Variants in SUV39H2 observed in about 807,000 individuals in gnomAD.
SUV39H2 encodes the protein histone-lysine N-methyltransferase SUV39H2.
In SUV39H2, 10 loss-of-function variants were observed where a neutral mutation model predicts 47.5. The ratio of observed to expected loss-of-function variants is 0.21; its 90% CI spans 0.13 to 0.36. SUV39H2 has a LOEUF of 0.36. SUV39H2 is among the 10% of genes least tolerant of loss of function. The pLI is 1.00. For missense variants in SUV39H2, 266 were observed against 487.4 expected, an observed-to-expected ratio of 0.55 and a Z score of 4.28; for synonymous variants, 159 against 166.8, an observed-to-expected ratio of 0.95 and a Z score of 0.36.
chr10:14,892,819 T>TC (rs988628460), intron 2 of SUV39H2, among the ~76,000 whole-genome samples: 2 of 143,704 alleles, frequency 1.4e-5, no homozygotes, highest in Admixed American at 6.8e-5. Context: ...GAAATGTCTT[T>TC]TTTTTTTTTT....
chr10:14,884,967 G>A (rs867233640), intron 2 of SUV39H2, among the ~76,000 whole-genome samples: 1 of 152,176 alleles, frequency 6.6e-6, no homozygotes, highest in Non-Finnish European at 1.5e-5. Flanking sequence ...TATACTATGT[G>A]AGTGCTTACT....
intron 2 of SUV39H2, among the ~76,000 whole-genome samples, chr10:14,892,999 ATTTTTTTTTT>A (rs869161891): frequency 2.5e-5 from 2 of 79,940 alleles, no homozygotes; most frequent in Admixed American, 1.4e-4. Context: ...AATTTTTTGT[ATTTTTTTTTT>A]TTTTTTTTTT....
At chr10:14,879,253 G>A (rs1832967670) in intron 1 of SUV39H2, 1 of 523,186 alleles carries the variant, frequency 1.9e-6, no homozygotes, top group Non-Finnish European at 2.7e-6. Context: ...GCAGTCCCCG[G>A]TTGGAGGTCC....
chr10:14,895,362 G>A (rs1833536272), intron 2 of SUV39H2, among the ~76,000 whole-genome samples: 1 of 152,006 alleles, frequency 6.6e-6, no homozygotes, highest in Non-Finnish European at 1.5e-5. Flanking sequence ...ATTTTTAGTA[G>A]ACAGGGTTTC....
Position 14,883,704 on chromosome 10 carries a change from C to CAA in SUV39H2, c.177+2086_177+2087dup, listed in dbSNP as rs58522342. ...TGGGCAACAGAGCGAGACTCAGTCT[C>CAA]AAAAAAAAAAAAAAAAAAAAAAAAA... On this transcript the variant is annotated intron_variant, in intron 2 of 5. Transcript: ENST00000354919. Among the ~76,000 whole-genome samples, 215 of 49,972 alleles carry CAA rather than the reference C, an allele frequency of 4.3e-3. 15 individuals carry two copies. The highest frequency in any genetic ancestry group is 0.014 in the Middle Eastern group (1 of 72). The allele number at this position is 49,972 out of a possible 152,430, so 32.8% of individuals were successfully genotyped here.
intron 2 of SUV39H2, among the ~76,000 whole-genome samples, chr10:14,894,188 G>A (rs574973656): frequency 1.3e-5 from 2 of 150,974 alleles, no homozygotes; most frequent in African/African-American, 4.9e-5. Context: ...CTTTAGTGGG[G>A]CTCAATTTGA....
chr10:14,887,379 G>C (rs546109289), intron 2 of SUV39H2, among the ~76,000 whole-genome samples: 2 of 152,300 alleles, frequency 1.3e-5, no homozygotes, highest in East Asian at 3.9e-4. Flanking sequence ...CAGTATTACT[G>C]TTCACCAGGA....
intron 3 of SUV39H2, chr10:14,899,195 C>G (rs1024152970): frequency 5.7e-6 from 4 of 701,922 alleles, no homozygotes; most frequent in Non-Finnish European, 1.0e-5. Flanking sequence ...GCGGTATGCA[C>G]CTGTGATCCA....
chr10:14,902,549 T>A lies in SUV39H2; in HGVS notation c.*37T>A. 1.5e-6 allele frequency: 2 copies of A among 1,329,712 alleles called. No individual in the cohort carries two copies. The highest frequency in any genetic ancestry group is 2.9e-5 in the South Asian group (2 of 69,992). 82.4% of individuals were successfully genotyped at this position (1,329,712 alleles called of 1,614,324 possible). On this transcript the variant is annotated 3_prime_UTR_variant, in exon 6 of 6. Transcript: ENST00000354919. ...AAATAGAGCTGATGATTATAATATT[T>A]TTTTCCTAATGTTAACATTTTTAAA...
At chr10:14,879,094 C>T (rs932020027) in intron 1 of SUV39H2, 175 bp downstream of exon 1, 1 of 1,275,430 alleles carries the variant, frequency 7.8e-7, no homozygotes, top group Non-Finnish European at 9.9e-7. Context: ...GGCCGCTGAC[C>T]CGCCTCCCTG....
rs1834150383 is a variant in SUV39H2 at position 14,903,405 on chromosome 10, C to G, written c.*893C>G. On this transcript the variant is annotated 3_prime_UTR_variant, in exon 6 of 6. Transcript: ENST00000354919. The stretch of plus-strand genomic sequence containing the variant: ...CTGCCTGGAGAGCAGCTGTACCTAA[C>G]AATACTGTAATGTACATTAACATTA... 1 of 152,186 alleles carries G rather than the reference C, an allele frequency of 6.6e-6. No homozygotes were observed. The highest frequency in any genetic ancestry group is 6.5e-5 in the Admixed American group (1 of 15,282). The allele number at this position is 152,186 out of a possible 1,614,324, so 9.4% of individuals were successfully genotyped here.
At chr10:14,891,514 A>G (rs914247241) in intron 2 of SUV39H2, among the ~76,000 whole-genome samples, 1 of 152,214 alleles carries the variant, frequency 6.6e-6, no homozygotes, top group Non-Finnish European at 1.5e-5. Flanking sequence ...TTGAAGCTGT[A>G]AGTCTGGAGT....
intron 3 of SUV39H2, chr10:14,898,056 C>T (rs1833711449): frequency 1.3e-5 from 2 of 151,110 alleles, no homozygotes; most frequent in African/African-American, 4.9e-5. Context: ...CATACAAATA[C>T]TAGCAAATTT....
At chr10:14,900,181 C>T (rs539222293) in intron 4 of SUV39H2, among the ~76,000 whole-genome samples, 1 of 152,246 alleles carries the variant, frequency 6.6e-6, no homozygotes, top group East Asian at 1.9e-4. Context: ...AATTAGTATT[C>T]TTCCTTACCT....
intron 4 of SUV39H2, among the ~76,000 whole-genome samples, chr10:14,900,603 C>T (rs1588861187): frequency 6.6e-6 from 1 of 152,162 alleles, no homozygotes; most frequent in Non-Finnish European, 1.5e-5. Context: ...GTATGACTCA[C>T]TACATCTTTT....
intron 2 of SUV39H2, among the ~76,000 whole-genome samples, chr10:14,882,480 G>A (rs573263234): frequency 2.0e-5 from 3 of 152,030 alleles, no homozygotes; most frequent in East Asian, 1.9e-4. Context: ...AGCATCCTTC[G>A]GCCCCTGAAA....
At chr10:14,886,879 C>T (rs550513587) in intron 2 of SUV39H2, among the ~76,000 whole-genome samples, 1 of 152,326 alleles carries the variant, frequency 6.6e-6, no homozygotes, top group East Asian at 1.9e-4. Context: ...TCACAGAAAG[C>T]TTCCCAGAAG....
At position 14,902,977 on chromosome 10, in the gene SUV39H2, AT is replaced by A. The variant is rs1267812585; in HGVS notation, c.*468del. 2 of 152,348 alleles carry A rather than the reference AT, an allele frequency of 1.3e-5. No individual in the cohort carries two copies. Among genetic ancestry groups the A allele is most frequent in the Non-Finnish European group, 2.9e-5 (2 of 68,132 alleles). The allele number at this position is 152,348 out of a possible 1,614,324, so 9.4% of individuals were successfully genotyped here. ...CCTGTTTAATACTCACTGTACTTGT[AT>A]TTGAGACAAATAGGTGATACTGAAT... On this transcript the variant is annotated 3_prime_UTR_variant, in exon 6 of 6. Transcript: ENST00000354919.
rs1027680076 is a variant in SUV39H2, at chr10:14,878,896, C to T, written c.8C>T (p.Ala3Val). The T allele has an allele frequency of 2.7e-5, 40 of 1,483,310 alleles. No individual in the cohort carries two copies. The highest frequency in any genetic ancestry group is 3.3e-5 in the Non-Finnish European group (37 of 1,115,520). The allele number at this position is 1,483,310 out of a possible 1,614,324, so 91.9% of individuals were successfully genotyped here. MA[A>V]VGAEARGAWC... is the part of the protein sequence containing the mutation. ...GAATGAAAGCTCTACAAGATGGCGG[C>T]GGTCGGGGCCGAGGCGCGAGGAGGT... The change falls in exon 1 of 6, where the codon GCG becomes GTG. Residue 3 changes from alanine to valine, a missense_variant. By Grantham distance (64) the Ala-to-Val change is moderately conservative (BLOSUM62 0). Transcript: ENST00000354919.
Sources: allele counts gnomAD v4.1 joint callset (sites outside exome capture counted in the v4.1 genomes callset), GRCh38; gene constraint gnomAD v4.1.1; transcripts MANE v1.5; gene names NCBI Gene and HGNC (gene_info 2026-07-23, HGNC 2026-07-21).